ZMYM2: variants seen among roughly 807,000 people sequenced by gnomAD.
ZMYM2 encodes zinc finger MYM-type protein 2.
Under a neutral mutation model 162.8 loss-of-function variants are expected in ZMYM2, and 56 were observed. That is an observed-to-expected ratio of 0.34 (90% CI 0.28 to 0.43). ZMYM2 has a LOEUF of 0.43. Ranked by LOEUF, ZMYM2 falls within the 20% of genes least tolerant of loss-of-function variation. The probability of loss-of-function intolerance (pLI) is 1.00; values close to 1 mark genes in which losing one functional copy is unlikely to be tolerated. For missense variants in ZMYM2, 1,275 were observed against 1,621.8 expected, an observed-to-expected ratio of 0.79 and a Z score of 3.67; for synonymous variants, 510 against 541.6, an observed-to-expected ratio of 0.94 and a Z score of 0.81.
chr13:19,923,192 A>C, the ZMYM2 span, among the ~76,000 whole-genome samples: 1 of 7,406 alleles, frequency 1.4e-4, no homozygotes, highest in South Asian at 4.1e-3. Flanking sequence ...CTAAATATAC[A>C]AAAAAAAAAA....
rs1433371846 is a variant in ZMYM2, at chr13:20,036,793, A to G, written c.2176A>G (p.Thr726Ala). The change falls in exon 12 of 25, where the codon ACT (threonine) becomes GCT (alanine). Residue 726 changes from threonine (T) to alanine (A), a missense_variant. Physicochemically the swap from Thr to Ala is moderately conservative, Grantham distance 58. Around this residue, in one of 10 missense-constraint regions of ZMYM2, gnomAD observed 177 missense variants for 228.0 expected, o/e 0.78. Transcript: ENST00000610343. Reference protein sequence around the residue: ...FARRLGLRCVTCNYCSQLCKK... With the variant: ...FARRLGLRCVACNYCSQLCKK... ...CAGACGTTTAGGATTGAGATGTGTT[A>G]CTTGCAACTATTGTTCTCAGCTATG... 1 of 1,603,664 alleles carries G rather than the reference A, an allele frequency of 6.2e-7. No individual in the cohort carries two copies. Among genetic ancestry groups the G allele is most frequent in the South Asian group, 1.1e-5 (1 of 89,000 alleles).
chr13:19,974,577 T>A (rs928881230), intron 2 of ZMYM2, among the ~76,000 whole-genome samples: 1 of 151,846 alleles, frequency 6.6e-6, no homozygotes, highest in Non-Finnish European at 1.5e-5. Flanking sequence ...GTTCAAGCAA[T>A]TCTCCTGCCT....
chr13:20,059,377 AT>A, intron 15 of ZMYM2, 69 bp from the exon 16 acceptor site: 1 of 1,527,228 alleles, frequency 6.5e-7, no homozygotes, highest in Non-Finnish European at 8.8e-7. Flanking sequence ...TTATCAAATT[AT>A]TTTAACATTG....
At chr13:19,935,992 G>T in the ZMYM2 span, among the ~76,000 whole-genome samples, 2 of 152,108 alleles carry the variant, frequency 1.3e-5, no homozygotes, top group Admixed American at 1.3e-4. Context: ...TCATAGGAGC[G>T]TTTCAAAACA....
At chr13:19,980,355 T>C (rs1443482127) in intron 2 of ZMYM2, among the ~76,000 whole-genome samples, 1 of 152,198 alleles carries the variant, frequency 6.6e-6, no homozygotes, top group Non-Finnish European at 1.5e-5. Flanking sequence ...TCAGACTTTT[T>C]TTGTCTGTTT....
chr13:19,941,057 C>A, the ZMYM2 span, among the ~76,000 whole-genome samples: 1 of 151,958 alleles, frequency 6.6e-6, no homozygotes, highest in Non-Finnish European at 1.5e-5. Context: ...CTCCTGTAAT[C>A]CAGCACTTTA....
the ZMYM2 span, among the ~76,000 whole-genome samples, chr13:19,885,936 CATATATATGTATATACACAT>C: frequency 2.2e-5 from 2 of 91,130 alleles, 1 homozygote; most frequent in Non-Finnish European, 4.1e-5. Context: ...TGTGTATACA[CATATATATGTATATACACAT>C]ATATATGTGT....
At chr13:20,058,492 A>C in intron 14 of ZMYM2, 83 bp from the exon 15 acceptor site, 1 of 1,492,740 alleles carries the variant, frequency 6.7e-7, no homozygotes, top group Non-Finnish European at 9.0e-7. Flanking sequence ...TTCCCTTCTT[A>C]GGACTGAAAA....
At chr13:19,955,094 G>A (rs1252585769), upstream of ZMYM2, among the ~76,000 whole-genome samples, 5 of 151,946 alleles carry the variant, frequency 3.3e-5, no homozygotes, top group Non-Finnish European at 5.9e-5. Flanking sequence ...TTACAGACAT[G>A]AGCCACTGCG....
the ZMYM2 span, among the ~76,000 whole-genome samples, chr13:19,873,599 G>C: frequency 1.3e-5 from 2 of 152,014 alleles, no homozygotes; most frequent in South Asian, 4.2e-4. Flanking sequence ...AGTAGAGACG[G>C]GGTTTTGCCA....
At chr13:19,972,884 T>C (rs1407970034) in intron 2 of ZMYM2, among the ~76,000 whole-genome samples, 13 of 151,340 alleles carry the variant, frequency 8.6e-5, no homozygotes, top group Non-Finnish European at 1.3e-4. Context: ...TTTTTTGTTA[T>C]AGCTGTTACA....
chr13:19,955,653 G>A (rs1954490165), upstream of ZMYM2, among the ~76,000 whole-genome samples: 1 of 151,872 alleles, frequency 6.6e-6, no homozygotes, highest in Non-Finnish European at 1.5e-5. Context: ...ATGGAGTCTT[G>A]CTCTGTTGCC....
chr13:20,044,942 C>T (rs1331591557), intron 12 of ZMYM2, among the ~76,000 whole-genome samples: 8 of 148,870 alleles, frequency 5.4e-5, no homozygotes, highest in African/African-American at 1.7e-4. Flanking sequence ...CTCAGCTACT[C>T]GGGAGGCTGA....
At chr13:19,944,337 C>G in the ZMYM2 span, among the ~76,000 whole-genome samples, 2 of 152,058 alleles carry the variant, frequency 1.3e-5, no homozygotes, top group African/African-American at 2.4e-5. Context: ...AATGAAACGA[C>G]TGAGGGTCAC....
the ZMYM2 span, among the ~76,000 whole-genome samples, chr13:19,869,763 A>G: frequency 5.3e-5 from 8 of 152,232 alleles, no homozygotes; most frequent in African/African-American, 1.4e-4. Context: ...ATTCCAGCCT[A>G]GGCAACAAAG....
intron 12 of ZMYM2, among the ~76,000 whole-genome samples, chr13:20,050,510 AAAT>A (rs10611925): frequency 0.83 from 126,024 of 151,624 alleles, 53,626 homozygotes; most frequent in Non-Finnish European, 0.92. Context: ...TAATTGAAAA[AAAT>A]AATAATAGTT....
the ZMYM2 span, among the ~76,000 whole-genome samples, chr13:19,880,456 T>C: frequency 6.6e-6 from 1 of 151,886 alleles, no homozygotes; most frequent in Non-Finnish European, 1.5e-5. Context: ...TGAGATGGAG[T>C]CTCACTCTGT....
chr13:19,928,131 G>C, the ZMYM2 span, among the ~76,000 whole-genome samples: 1 of 152,004 alleles, frequency 6.6e-6, no homozygotes, highest in Non-Finnish European at 1.5e-5. Context: ...TCAGCTTCTC[G>C]TGTAGCTGGG....
At position 20,061,093 on chromosome 13, in the gene ZMYM2, G is replaced by A. The variant is rs1370900377; in HGVS notation, c.2780G>A (p.Ser927Asn). The A allele has an allele frequency of 4.3e-6, 7 of 1,612,518 alleles. No individual in the cohort carries two copies. The highest frequency in any genetic ancestry group is 1.7e-5 in the Admixed American group (1 of 59,830). ...PVFLPAPLDS[S>N]EKIPAAIEEL... ...TTTCTGCCTGCTCCATTGGACAGCA[G>A]TGAGAAGATTCCTGCAGCAATTGAG... The change falls in exon 17 of 25, where the codon AGT becomes AAT. Residue 927 changes from serine (S) to asparagine (N), a missense_variant. By Grantham distance (46) the Ser-to-Asn change is conservative. Coordinates refer to ENST00000610343, the MANE Select transcript of ZMYM2 (RefSeq NM_197968.4).
Sources: gnomAD v4.1 joint callset for allele counts (sites outside exome capture counted in the v4.1 genomes callset) on GRCh38, gnomAD v4.1.1 for gene constraint, gnomAD v4.1.1 regional missense constraint, MANE v1.5 for transcripts, NCBI Gene and HGNC (gene_info 2026-07-23, HGNC 2026-07-21) for gene names.